Variants in WWOX observed in about 807,000 individuals in gnomAD.
The protein encoded by WWOX is WW domain-containing oxidoreductase.
In WWOX, 69 loss-of-function variants were observed where a neutral mutation model predicts 46.2. The ratio of observed to expected loss-of-function variants is 1.49; its 90% CI spans 1.23 to 1.82. WWOX has a LOEUF of 1.82. Among genes scored for constraint, WWOX ranks in the 40% most tolerant of loss-of-function variants. The pLI, the probability that WWOX is intolerant of heterozygous loss-of-function variation, is 0.00. For synonymous variants in WWOX, 359 were observed against 202.6 expected, an observed-to-expected ratio of 1.77 and a Z score of -6.56; for missense variants, 919 against 542.6, an observed-to-expected ratio of 1.69 and a Z score of -6.89.
At chr16:78,944,991 C>G (rs769102619) in intron 8 of WWOX, among the ~76,000 whole-genome samples, 1 of 152,124 alleles carries the variant, frequency 6.6e-6, no homozygotes, top group South Asian at 2.1e-4. Context: ...CCAGCCTGAG[C>G]AACATGGTGA....
chr16:79,006,141 A>G (rs1054245481), intron 8 of WWOX, among the ~76,000 whole-genome samples: 6 of 152,172 alleles, frequency 3.9e-5, no homozygotes, highest in East Asian at 1.9e-4. Context: ...AACAAAGACA[A>G]TGAGCGCTGA....
chr16:78,348,496 C>T lies in WWOX; in HGVS notation c.517-38364C>T, dbSNP rs191254342. Among the ~76,000 whole-genome samples the T allele has an allele frequency of 3.3e-3, 403 of 121,024 alleles. 126 individuals carry two copies. Among genetic ancestry groups the T allele is most frequent in the Non-Finnish European group, 6.8e-3 (342 of 50,614 alleles). 79.4% of individuals were successfully genotyped at this position (121,024 alleles called of 152,430 possible). A position where few individuals can be genotyped will look rare whatever the true frequency, so the allele number is the denominator to read the frequency against. ...TAGTTTTTTGAGACAGGGTCTCTGT[C>T]GCTCAGGCTGGATTGAGTGCAGTGA... On this transcript the variant is annotated intron_variant, in intron 5 of 8. Transcript: ENST00000566780.
At chr16:78,631,550 T>C (rs77303021) in intron 8 of WWOX, among the ~76,000 whole-genome samples, 8,258 of 151,714 alleles carry the variant, frequency 0.054, 319 homozygotes, top group South Asian at 0.13. Flanking sequence ...CTTTTTTTTT[T>C]TTTTTTGAGA....
intron 8 of WWOX, among the ~76,000 whole-genome samples, chr16:78,857,052 G>A (rs2052583261): frequency 6.6e-6 from 1 of 152,132 alleles, no homozygotes; most frequent in South Asian, 2.1e-4. Context: ...GTTAAAATAT[G>A]GTATTACAAT....
intron 8 of WWOX, among the ~76,000 whole-genome samples, chr16:78,736,268 G>C (rs934412370): frequency 1.1e-4 from 17 of 152,140 alleles, no homozygotes; most frequent in African/African-American, 4.1e-4. Flanking sequence ...TGGTACCTTC[G>C]TGTCGGACAG....
chr16:78,163,278 C>T (rs1325538979), intron 4 of WWOX, among the ~76,000 whole-genome samples: 5 of 152,182 alleles, frequency 3.3e-5, no homozygotes, highest in African/African-American at 4.8e-5. Context: ...AGGGACTGAT[C>T]ACTTTAATCA....
chr16:79,160,140 T>C (rs1245679434), intron 8 of WWOX, among the ~76,000 whole-genome samples: 1 of 152,206 alleles, frequency 6.6e-6, no homozygotes, highest in Non-Finnish European at 1.5e-5. Flanking sequence ...TTGGAGTGGG[T>C]GCCACGTGAG....
intron 8 of WWOX, among the ~76,000 whole-genome samples, chr16:78,591,258 G>C (rs571203183): frequency 6.6e-6 from 1 of 152,112 alleles, no homozygotes; most frequent in South Asian, 2.1e-4. Flanking sequence ...TGGGAACAAG[G>C]GAACCTTTCC....
At chr16:78,446,749 C>T (rs1447646305) in intron 8 of WWOX, among the ~76,000 whole-genome samples, 2 of 150,250 alleles carry the variant, frequency 1.3e-5, no homozygotes, top group Non-Finnish European at 3.0e-5. Context: ...CAGCCTCCGC[C>T]TCCCAAGTTC....
intron 8 of WWOX, among the ~76,000 whole-genome samples, chr16:79,207,847 G>C (rs1353263486): frequency 1.3e-5 from 2 of 151,996 alleles, no homozygotes; most frequent in Non-Finnish European, 2.9e-5. Flanking sequence ...TCCTTTAAAG[G>C]AGTCAATATG....
At chr16:78,440,419 C>T (rs563053777) in intron 8 of WWOX, among the ~76,000 whole-genome samples, 3 of 152,090 alleles carry the variant, frequency 2.0e-5, no homozygotes, top group Non-Finnish European at 4.4e-5. Flanking sequence ...GAACAGCACA[C>T]GTCAAGGAAG....
At chr16:78,391,965 G>T (rs7192626) in intron 6 of WWOX, among the ~76,000 whole-genome samples, 9,871 of 150,664 alleles carry the variant, frequency 0.066, 407 homozygotes, top group South Asian at 0.17. Flanking sequence ...AAATAAGGTC[G>T]ATGCATTTTT....
At chr16:78,129,691 T>C (rs373955904) in intron 4 of WWOX, among the ~76,000 whole-genome samples, 7 of 152,200 alleles carry the variant, frequency 4.6e-5, no homozygotes, top group Middle Eastern at 3.4e-3. Flanking sequence ...AAAAATGGTC[T>C]ATAGTGGGAT....
intron 8 of WWOX, among the ~76,000 whole-genome samples, chr16:78,555,089 C>T (rs1001878878): frequency 1.5e-4 from 22 of 148,472 alleles, no homozygotes; most frequent in African/African-American, 9.9e-5. Context: ...TTTGGAAGGA[C>T]GGATTTTTTC....
chr16:79,160,869 T>C (rs60747599), intron 8 of WWOX, among the ~76,000 whole-genome samples: 3,709 of 131,722 alleles, frequency 0.028, 108 homozygotes, highest in East Asian at 0.2. Context: ...CACACATACA[T>C]AAATTGTGTA....
intron 8 of WWOX, among the ~76,000 whole-genome samples, chr16:79,112,471 C>G (rs140802513): frequency 3.8e-4 from 58 of 152,228 alleles, no homozygotes; most frequent in Middle Eastern, 3.4e-3. Context: ...CAGATGCCTG[C>G]GTGCCTTTTG....
At chr16:78,867,782 A>T (rs896084347) in intron 8 of WWOX, among the ~76,000 whole-genome samples, 1 of 152,144 alleles carries the variant, frequency 6.6e-6, no homozygotes, top group Non-Finnish European at 1.5e-5. Flanking sequence ...TTATACTGCC[A>T]ATCTGAGGCC....
At chr16:78,726,056 T>G (rs1002440016) in intron 8 of WWOX, among the ~76,000 whole-genome samples, 1 of 118,558 alleles carries the variant, frequency 8.4e-6, no homozygotes, top group Non-Finnish European at 1.9e-5. Context: ...TTACTTTTAC[T>G]CCTCCCTGCT....
chr16:78,246,874 G>A (rs1173778047), intron 5 of WWOX, among the ~76,000 whole-genome samples: 1 of 151,978 alleles, frequency 6.6e-6, no homozygotes, highest in Non-Finnish European at 1.5e-5. Flanking sequence ...CCTGACTCCC[G>A]AGAGAGGAAA....
Sources: allele counts gnomAD v4.1 joint callset (sites outside exome capture counted in the v4.1 genomes callset), GRCh38; gene constraint gnomAD v4.1.1; transcripts MANE v1.5; gene names NCBI Gene and HGNC (gene_info 2026-07-23, HGNC 2026-07-21).